GRIN2B: variants seen among roughly 807,000 people sequenced by gnomAD.
The protein encoded by GRIN2B is glutamate receptor ionotropic, NMDA 2B.
GRIN2B carries 5 observed loss-of-function variants against 114.5 expected under a neutral mutation model. The observed-to-expected ratio is 0.04, with a 90% CI of 0.02 to 0.09. The LOEUF is 0.09. Among genes scored for constraint, GRIN2B ranks in the 10% least tolerant of loss-of-function variants. The probability of loss-of-function intolerance (pLI) is 1.00; values close to 1 mark genes in which losing one functional copy is unlikely to be tolerated. For synonymous variants in GRIN2B, 787 were observed against 745.1 expected (o/e 1.06, Z -0.92); for missense variants, 1,108 against 1,943.5 (o/e 0.57, Z 8.08).
intron 3 of GRIN2B, among the ~76,000 whole-genome samples, chr12:13,805,294 A>C (rs888780514): frequency 6.6e-6 from 1 of 152,102 alleles, no homozygotes; most frequent in Admixed American, 6.6e-5. Flanking sequence ...CCACAGATTA[A>C]CCTACCTCAC....
Position 13,848,277 on chromosome 12 carries a change from G to A in GRIN2B, c.411+17521C>T, listed in dbSNP as rs74332582. 4.2e-3 allele frequency among the ~76,000 whole-genome samples: 644 copies of A among 152,250 alleles called. 2 individuals are homozygous for A. The highest frequency in any genetic ancestry group is 0.014 in the African/African-American group (580 of 41,550). ...CAAATGCCCCTAGGGAGGGAAACCC[G>A]TTAGTTGCTCTTGTCTATTTGGACC... On this transcript the variant is annotated intron_variant, in intron 3 of 13. Coordinates refer to ENST00000609686, the MANE Select transcript of GRIN2B (RefSeq NM_000834.5).
chr12:13,752,907 C>T (rs543780513), intron 4 of GRIN2B, among the ~76,000 whole-genome samples: 2 of 152,300 alleles, frequency 1.3e-5, no homozygotes, highest in East Asian at 3.9e-4. Context: ...TCTTTGCGAT[C>T]AAGTAGTACT....
At position 13,932,649 on chromosome 12, in the gene GRIN2B, G is replaced by A. The variant is rs889307841; in HGVS notation, c.-19+47279C>T. Reference sequence around the variant, plus strand: ...AGAGAACACAGAGAGGCCTTTCTATGATGCCTACCCTAAAGCTTGTACTGG... The same window carrying A: ...AGAGAACACAGAGAGGCCTTTCTATAATGCCTACCCTAAAGCTTGTACTGG... On this transcript the variant is annotated intron_variant, in intron 2 of 13. Coordinates refer to ENST00000609686, the MANE Select transcript of GRIN2B (RefSeq NM_000834.5). Among the ~76,000 whole-genome samples, 7 of 152,254 alleles carry A rather than the reference G, an allele frequency of 4.6e-5. No homozygotes were observed. In the East Asian group the frequency reaches 5.8e-4, roughly 13 times the overall value.
intron 8 of GRIN2B, among the ~76,000 whole-genome samples, chr12:13,613,778 C>A (rs1445728177): frequency 1.3e-5 from 2 of 152,100 alleles, no homozygotes; most frequent in East Asian, 3.8e-4. Flanking sequence ...TGATGCCTGG[C>A]ACATTATATA....
At chr12:13,959,346 C>T (rs970940142) in intron 2 of GRIN2B, among the ~76,000 whole-genome samples, 1 of 152,112 alleles carries the variant, frequency 6.6e-6, no homozygotes. Flanking sequence ...GGGTGGGGCC[C>T]GCAGGGAGAG....
At chr12:13,645,537 C>T (rs951919989) in intron 5 of GRIN2B, among the ~76,000 whole-genome samples, 6 of 152,036 alleles carry the variant, frequency 3.9e-5, no homozygotes, top group Non-Finnish European at 5.9e-5. Context: ...TTGCTCTACC[C>T]AGGACTGCCA....
intron 3 of GRIN2B, among the ~76,000 whole-genome samples, chr12:13,759,358 G>T (rs1371059440): frequency 2.6e-5 from 4 of 152,058 alleles, no homozygotes; most frequent in Admixed American, 6.6e-5. Flanking sequence ...CAGAAATAAG[G>T]CATGCCTAAA....
chr12:13,609,401 A>C (rs1949331016), intron 9 of GRIN2B, among the ~76,000 whole-genome samples: 1 of 152,094 alleles, frequency 6.6e-6, no homozygotes, highest in Non-Finnish European at 1.5e-5. Flanking sequence ...TTAGCACTCA[A>C]TGTTTCAAAG....
intron 3 of GRIN2B, among the ~76,000 whole-genome samples, chr12:13,764,844 T>C (rs1318795368): frequency 6.6e-6 from 1 of 152,236 alleles, no homozygotes; most frequent in Non-Finnish European, 1.5e-5. Context: ...ACTCGGGGCT[T>C]ATTCTTGCCC....
chr12:13,932,318 A>T (rs1867049168), intron 2 of GRIN2B, among the ~76,000 whole-genome samples: 1 of 152,196 alleles, frequency 6.6e-6, no homozygotes. Context: ...ACATTACCCA[A>T]AAGAACCCTA....
rs536363857 is a variant in GRIN2B at position 13,924,845 on chromosome 12, C to T, written c.-19+55083G>A. Among the ~76,000 whole-genome samples, 10 of 152,244 alleles carry T rather than the reference C, an allele frequency of 6.6e-5. No homozygotes were observed. The East Asian group carries it at 1.7e-3, about 26-fold the overall frequency. On this transcript the variant is annotated intron_variant, in intron 2 of 13. Coordinates refer to ENST00000609686, the MANE Select transcript of GRIN2B (RefSeq NM_000834.5). The stretch of plus-strand genomic sequence containing the variant: ...CTTATCCTCTCTAAATGGTAATCTG[C>T]ATTTTATTTAAATTTCACAGTTTTA...
chr12:13,947,022 G>A (rs1338928571), intron 2 of GRIN2B, among the ~76,000 whole-genome samples: 1 of 152,162 alleles, frequency 6.6e-6, no homozygotes. Flanking sequence ...AACCATGAAA[G>A]GAGAGGTGAC....
At chr12:13,840,717 G>T (rs1386415565) in intron 3 of GRIN2B, among the ~76,000 whole-genome samples, 2 of 152,088 alleles carry the variant, frequency 1.3e-5, no homozygotes, top group East Asian at 3.8e-4. Context: ...AAAATCACTG[G>T]ATGTTTCTTT....
intron 5 of GRIN2B, among the ~76,000 whole-genome samples, chr12:13,657,893 T>A (rs1048269988): frequency 2.6e-5 from 4 of 152,156 alleles, no homozygotes; most frequent in African/African-American, 7.2e-5. Context: ...TATAAAAATA[T>A]TCCCACATGT....
intron 10 of GRIN2B, among the ~76,000 whole-genome samples, chr12:13,588,128 G>A (rs1948956451): frequency 6.6e-6 from 1 of 152,146 alleles, no homozygotes; most frequent in Non-Finnish European, 1.5e-5. Context: ...CCTTTTCATG[G>A]TCTGAAATGT....
intron 3 of GRIN2B, among the ~76,000 whole-genome samples, chr12:13,796,221 C>T (rs975619590): frequency 4.6e-5 from 7 of 152,256 alleles, no homozygotes; most frequent in South Asian, 2.1e-4. Flanking sequence ...TTGGAGAACA[C>T]CACACATTTT....
At position 13,813,009 on chromosome 12, in the gene GRIN2B, G is replaced by A. The variant is rs140911572; in HGVS notation, c.411+52789C>T. 9.3e-3 allele frequency among the ~76,000 whole-genome samples: 1,333 copies of A among 143,746 alleles called. 13 individuals are homozygous for A. The highest frequency in any genetic ancestry group is 0.039 in the South Asian group (176 of 4,554). The allele number at this position is 143,746 out of a possible 152,430, so 94.3% of individuals were successfully genotyped here. ...AGTGCAGTGGTCCGAGCTTGATCTC[G>A]GCTCACTACAACCTCCGCCTCCCGG... On this transcript the variant is annotated intron_variant, in intron 3 of 13. Transcript: ENST00000609686.
intron 3 of GRIN2B, among the ~76,000 whole-genome samples, chr12:13,802,000 G>A (rs553243554): frequency 2.0e-5 from 3 of 151,936 alleles, no homozygotes; most frequent in South Asian, 4.2e-4. Context: ...CTCCATTCAC[G>A]CACCCACCAG....
chr12:13,682,063 T>C (rs1950135681), intron 4 of GRIN2B, among the ~76,000 whole-genome samples: 2 of 152,172 alleles, frequency 1.3e-5, no homozygotes, highest in Non-Finnish European at 2.9e-5. Flanking sequence ...GCAAAGATAT[T>C]TAAAAATTAG....
Sources: gnomAD v4.1 joint callset for allele counts (sites outside exome capture counted in the v4.1 genomes callset) on GRCh38, gnomAD v4.1.1 for gene constraint, MANE v1.5 for transcripts, NCBI Gene and HGNC (gene_info 2026-07-23, HGNC 2026-07-21) for gene names.